The following MYRIP variants were observed in gnomAD, a reference collection of about 807,000 sequenced individuals.
MYRIP encodes the protein rab effector MyRIP.
Under a neutral mutation model 98.0 loss-of-function variants are expected in MYRIP, and 49 were observed. The observed-to-expected ratio is 0.50, with a 90% CI of 0.40 to 0.63. The LOEUF is 0.63. Ranked by LOEUF, MYRIP falls within the 30% of genes least tolerant of loss-of-function variation. The pLI is 0.00. For synonymous variants in MYRIP, 404 were observed against 409.5 expected (o/e 0.99, Z 0.16); for missense variants, 1,004 against 1,058.2 (o/e 0.95, Z 0.71).
At chr3:40,099,912 C>A in intron 3 of MYRIP, 1 of 833,706 alleles carries the variant, frequency 1.2e-6, no homozygotes, top group Non-Finnish European at 1.4e-6. Context: ...AGCTTTGGTG[C>A]CTCTCTCTCC....
chr3:39,947,250 T>C (rs1287107614), intron 2 of MYRIP, among the ~76,000 whole-genome samples: 1 of 150,974 alleles, frequency 6.6e-6, no homozygotes, highest in Non-Finnish European at 1.5e-5. Flanking sequence ...TGTTGGGAAA[T>C]GAAAAGAGTA....
At chr3:39,819,904 T>A (rs1445977354) in intron 1 of MYRIP, among the ~76,000 whole-genome samples, 1 of 152,260 alleles carries the variant, frequency 6.6e-6, no homozygotes, top group Admixed American at 6.5e-5. Context: ...TAGATAATTA[T>A]GAGTTAAATT....
At chr3:40,218,571 A>G (rs1208537643) in intron 11 of MYRIP, among the ~76,000 whole-genome samples, 1 of 50,450 alleles carries the variant, frequency 2.0e-5, no homozygotes, top group Non-Finnish European at 3.8e-5. Context: ...ACATACACAC[A>G]TACACATTTA....
intron 3 of MYRIP, among the ~76,000 whole-genome samples, chr3:40,105,653 A>G (rs1200405851): frequency 6.6e-6 from 1 of 152,170 alleles, no homozygotes; most frequent in Non-Finnish European, 1.5e-5. Context: ...GTAATTTATA[A>G]AGGAAAGAGG....
intron 2 of MYRIP, among the ~76,000 whole-genome samples, chr3:40,008,987 CA>C (rs776041442): frequency 1.4e-4 from 21 of 152,152 alleles, no homozygotes; most frequent in Non-Finnish European, 1.8e-4. Context: ...GCCCTTGCTC[CA>C]GGCCTGAGGT....
At chr3:39,919,599 C>T (rs1433899191) in intron 2 of MYRIP, among the ~76,000 whole-genome samples, 2 of 152,092 alleles carry the variant, frequency 1.3e-5, no homozygotes, top group Admixed American at 6.5e-5. Flanking sequence ...CACATCTAAG[C>T]GCTTATGTTG....
intron 10 of MYRIP, among the ~76,000 whole-genome samples, chr3:40,206,516 C>CT (rs1951796529): frequency 6.6e-6 from 1 of 152,148 alleles, no homozygotes; most frequent in South Asian, 2.1e-4. Context: ...GGATTCCATT[C>CT]TTTAAGATTT....
At chr3:39,845,100 T>G (rs2125599069) in intron 1 of MYRIP, among the ~76,000 whole-genome samples, 1 of 152,310 alleles carries the variant, frequency 6.6e-6, no homozygotes, top group Middle Eastern at 3.4e-3. Flanking sequence ...TCAATGATGA[T>G]TATAACAACA....
At chr3:40,028,878 C>T (rs1947195536) in intron 2 of MYRIP, among the ~76,000 whole-genome samples, 1 of 152,086 alleles carries the variant, frequency 6.6e-6, no homozygotes, top group Non-Finnish European at 1.5e-5. Context: ...GAATGGCAAC[C>T]CATTCCTCCA....
intron 2 of MYRIP, among the ~76,000 whole-genome samples, chr3:39,960,165 T>C (rs1945286684): frequency 6.6e-6 from 1 of 152,032 alleles, no homozygotes; most frequent in Admixed American, 6.6e-5. Context: ...GGGAGCATCA[T>C]AAGAGCCAGT....
At chr3:39,972,786 G>A (rs9311228) in intron 2 of MYRIP, among the ~76,000 whole-genome samples, 27,799 of 151,550 alleles carry the variant, frequency 0.18, 4,860 homozygotes, top group African/African-American at 0.46. Flanking sequence ...TAAAATGAGA[G>A]AATGGGTCCT....
At chr3:39,861,492 T>C (rs866806677) in intron 1 of MYRIP, among the ~76,000 whole-genome samples, 1 of 152,120 alleles carries the variant, frequency 6.6e-6, no homozygotes, top group Non-Finnish European at 1.5e-5. Context: ...TTAACCAGAC[T>C]GAAATGGCTG....
chr3:40,192,597 G>T (rs1292367655), intron 10 of MYRIP, among the ~76,000 whole-genome samples: 1 of 151,910 alleles, frequency 6.6e-6, no homozygotes, highest in African/African-American at 2.4e-5. Context: ...GCAACATGCT[G>T]TCCATATGCT....
At chr3:39,987,466 A>G (rs1639380895) in intron 2 of MYRIP, among the ~76,000 whole-genome samples, 1 of 152,156 alleles carries the variant, frequency 6.6e-6, no homozygotes, top group Non-Finnish European at 1.5e-5. Context: ...TGCAATAAAC[A>G]TGTTTGCCTG....
intron 11 of MYRIP, among the ~76,000 whole-genome samples, chr3:40,221,042 C>CAAA (rs150976340): frequency 7.6e-4 from 47 of 61,546 alleles, no homozygotes; most frequent in African/African-American, 1.5e-3. Context: ...GGCAAGTCAC[C>CAAA]AAAAAAAAAA....
intron 3 of MYRIP, among the ~76,000 whole-genome samples, chr3:40,121,566 C>A (rs1316023074): frequency 6.6e-6 from 1 of 152,044 alleles, no homozygotes; most frequent in Non-Finnish European, 1.5e-5. Flanking sequence ...TGGGTGCCAC[C>A]CTCTCCTCCT....
At chr3:39,901,587 A>G (rs1304669136) in intron 2 of MYRIP, among the ~76,000 whole-genome samples, 9 of 152,154 alleles carry the variant, frequency 5.9e-5, no homozygotes, top group Non-Finnish European at 1.0e-4. Flanking sequence ...TGTTAGGCCT[A>G]ATGTATTGAA....
intron 2 of MYRIP, among the ~76,000 whole-genome samples, chr3:40,027,108 T>G (rs1947149141): frequency 6.6e-6 from 1 of 152,098 alleles, no homozygotes; most frequent in Non-Finnish European, 1.5e-5. Flanking sequence ...GCCTCACAGA[T>G]TTCACTAAAA....
chr3:39,829,084 A>C (rs1230912924), intron 1 of MYRIP, among the ~76,000 whole-genome samples: 1 of 152,234 alleles, frequency 6.6e-6, no homozygotes, highest in African/African-American at 2.4e-5. Flanking sequence ...ACTAGTTTAC[A>C]TTCCCACCAG....
Sources: gnomAD v4.1 joint callset for allele counts (sites outside exome capture counted in the v4.1 genomes callset) on GRCh38, gnomAD v4.1.1 for gene constraint, MANE v1.5 for transcripts, NCBI Gene and HGNC (gene_info 2026-07-23, HGNC 2026-07-21) for gene names.